The following SOX6 variants were observed in gnomAD, a reference collection of about 807,000 sequenced individuals.
SOX6 encodes transcription factor SOX-6.
A neutral mutation model predicts 97.8 loss-of-function variants in SOX6; 11 were observed. That is an observed-to-expected ratio of 0.11 (90% CI 0.07 to 0.19). SOX6 has a LOEUF of 0.19. SOX6 is among the 10% of genes least tolerant of loss of function. The pLI is 1.00. For missense variants in SOX6, 810 were observed against 1,039.5 expected (o/e 0.78, Z 3.04); for synonymous variants, 360 against 371.4 (o/e 0.97, Z 0.35).
intron 1 of SOX6, among the ~76,000 whole-genome samples, chr11:16,412,161 A>C (rs1169419211): frequency 6.6e-6 from 1 of 152,218 alleles, no homozygotes; most frequent in Non-Finnish European, 1.5e-5. Flanking sequence ...TCTGGATTTT[A>C]TCTATTTATA....
At chr11:16,291,363 G>GAATA (rs138094110) in intron 3 of SOX6, among the ~76,000 whole-genome samples, 3,711 of 148,118 alleles carry the variant, frequency 0.025, 101 homozygotes, top group African/African-American at 0.056. Context: ...TATAATGAAT[G>GAATA]AATAAATAAA....
intron 3 of SOX6, among the ~76,000 whole-genome samples, chr11:16,640,881 T>G (rs1848899814): frequency 6.6e-6 from 1 of 152,228 alleles, no homozygotes; most frequent in Non-Finnish European, 1.5e-5. Context: ...TCATTGATTT[T>G]TTAAGGGTTT....
At chr11:15,984,078 A>G (rs1301458367) in intron 15 of SOX6, among the ~76,000 whole-genome samples, 1 of 152,200 alleles carries the variant, frequency 6.6e-6, no homozygotes, top group Non-Finnish European at 1.5e-5. Context: ...CTGTAGCCAT[A>G]GAAACTCTCT....
intron 3 of SOX6, among the ~76,000 whole-genome samples, chr11:16,642,102 G>C (rs1336288069): frequency 3.3e-5 from 5 of 152,064 alleles, no homozygotes; most frequent in Non-Finnish European, 7.4e-5. Flanking sequence ...GGCAGGCCTG[G>C]TGGTGACAAA....
intron 2 of SOX6, among the ~76,000 whole-genome samples, chr11:16,336,877 T>G (rs1421629341): frequency 6.6e-6 from 1 of 152,108 alleles, no homozygotes; most frequent in Non-Finnish European, 1.5e-5. Context: ...TCCCCAAATC[T>G]TTGCACAGTG....
chr11:16,450,253 T>G (rs1223465623), intron 1 of SOX6, among the ~76,000 whole-genome samples: 2 of 152,194 alleles, frequency 1.3e-5, no homozygotes, highest in Non-Finnish European at 2.9e-5. Context: ...GTAGCAAGAA[T>G]TCAACATAAA....
At chr11:16,648,520 C>T (rs1464049305) in intron 3 of SOX6, among the ~76,000 whole-genome samples, 1 of 152,220 alleles carries the variant, frequency 6.6e-6, no homozygotes, top group African/African-American at 2.4e-5. Flanking sequence ...CCTACCACTA[C>T]AGCAGCTAGT....
At chr11:16,547,205 G>A (rs1413683845) in intron 4 of SOX6, among the ~76,000 whole-genome samples, 2 of 152,060 alleles carry the variant, frequency 1.3e-5, no homozygotes, top group Non-Finnish European at 2.9e-5. Context: ...ACAGTATGGA[G>A]ATTTCTCAAC....
intron 13 of SOX6, among the ~76,000 whole-genome samples, chr11:16,008,769 T>C (rs539197152): frequency 1.3e-5 from 2 of 152,258 alleles, no homozygotes; most frequent in Non-Finnish European, 2.9e-5. Flanking sequence ...AGTGCTGATA[T>C]AAACTGGTGC....
At chr11:16,030,830 G>GA (rs945063322) in intron 12 of SOX6, among the ~76,000 whole-genome samples, 5 of 151,876 alleles carry the variant, frequency 3.3e-5, no homozygotes, top group South Asian at 2.1e-4. Flanking sequence ...TTTATTTATG[G>GA]AAAAAAAAGT....
intron 4 of SOX6, among the ~76,000 whole-genome samples, chr11:16,567,553 A>ATTT (rs143314547): frequency 2.8e-5 from 3 of 107,064 alleles, no homozygotes; most frequent in Non-Finnish European, 5.6e-5. Context: ...GGTATGTCAT[A>ATTT]TTTTTTTCTT....
At chr11:16,165,260 T>C (rs894929794) in intron 6 of SOX6, among the ~76,000 whole-genome samples, 2 of 152,160 alleles carry the variant, frequency 1.3e-5, no homozygotes, top group Non-Finnish European at 2.9e-5. Context: ...TTTTACTAAA[T>C]TAAAAATCAT....
intron 3 of SOX6, among the ~76,000 whole-genome samples, chr11:16,301,873 C>T (rs962630634): frequency 2.6e-5 from 4 of 152,142 alleles, no homozygotes; most frequent in Non-Finnish European, 4.4e-5. Context: ...CTTCTGCCTG[C>T]TAGATGTATT....
rs1372678486 is a variant in SOX6 at position 16,475,543 on chromosome 11, A to G, written c.-5+772T>C. On this transcript the variant is annotated intron_variant, in intron 1 of 15. Coordinates refer to the SOX6 transcript ENST00000396356. ...AGAACAGCCAGTTGGTGGAACAATC[A>G]GAATACACACAATACACACAAGTTT... is the stretch of plus-strand genomic sequence containing the variant. 1.8e-4 allele frequency among the ~76,000 whole-genome samples: 27 copies of G among 152,230 alleles called. 1 individual carries two copies. The highest frequency in any genetic ancestry group is 1.8e-3 in the Admixed American group (27 of 15,278).
At chr11:16,047,193 T>C (rs1053353282) in intron 11 of SOX6, among the ~76,000 whole-genome samples, 2 of 152,148 alleles carry the variant, frequency 1.3e-5, no homozygotes, top group Non-Finnish European at 2.9e-5. Flanking sequence ...GCCACATGTG[T>C]ACTTTAGTGA....
rs181436281 is a variant in SOX6 at position 16,106,497 on chromosome 11, T to C, written c.898+5306A>G. ...CATTGAATGGGGGAAGGGATAGTCT[T>C]ATCAACAAATGTTGTGGGGAAAACT... On this transcript the variant is annotated intron_variant, in intron 7 of 15. Transcript: ENST00000683767. Among the ~76,000 whole-genome samples the C allele has an allele frequency of 5.3e-4, 80 of 152,114 alleles. 2 individuals are homozygous for C. Among genetic ancestry groups the C allele is most frequent in the Admixed American group, 4.6e-3 (70 of 15,244 alleles).
rs1178113835 is a variant in SOX6, at chr11:16,209,428, C to A, written c.536-22473G>T. 2.0e-5 allele frequency among the ~76,000 whole-genome samples: 3 copies of A among 152,132 alleles called. No individual in the cohort carries two copies. In the East Asian group the frequency reaches 5.8e-4, roughly 29 times the overall value. ...TTCCCCAATTCTAAGACATACTAGACACTCAAATATGTGTGAAATGTAAAT... is the reference window on the plus strand; with the variant it reads ...TTCCCCAATTCTAAGACATACTAGAAACTCAAATATGTGTGAAATGTAAAT... On this transcript the variant is annotated intron_variant, in intron 4 of 15. Coordinates refer to ENST00000683767, the MANE Select transcript of SOX6 (RefSeq NM_001367873.1).
chr11:16,734,014 G>A (rs1205068034), intron 2 of SOX6, among the ~76,000 whole-genome samples: 9 of 140,282 alleles, frequency 6.4e-5, no homozygotes, highest in African/African-American at 1.6e-4. Flanking sequence ...GTGACAGAGC[G>A]AGACTTTGTC....
chr11:16,500,770 T>G (rs910583524), intron 4 of SOX6, among the ~76,000 whole-genome samples: 10 of 152,096 alleles, frequency 6.6e-5, no homozygotes, highest in Middle Eastern at 3.2e-3. Flanking sequence ...AAGGACCTCA[T>G]CAAGGAGAAC....
Sources: allele counts gnomAD v4.1 joint callset (sites outside exome capture counted in the v4.1 genomes callset), GRCh38; gene constraint gnomAD v4.1.1; transcripts MANE v1.5; gene names NCBI Gene and HGNC (gene_info 2026-07-23, HGNC 2026-07-21).